The following IPO5 variants were observed in gnomAD, a reference collection of about 807,000 sequenced individuals.
IPO5 encodes importin-5.
In IPO5, 18 loss-of-function variants were observed where a neutral mutation model predicts 143.3. The ratio of observed to expected loss-of-function variants is 0.13; its 90% CI spans 0.09 to 0.19. The LOEUF (loss-of-function observed/expected upper bound fraction) is 0.19, where lower values mean the gene tolerates loss of function less well. Ranked by LOEUF, IPO5 falls within the 10% of genes least tolerant of loss-of-function variation. The pLI is 1.00. For synonymous variants in IPO5, 477 were observed against 465.7 expected, an observed-to-expected ratio of 1.02 and a Z score of -0.31; for missense variants, 1,013 against 1,336.9, an observed-to-expected ratio of 0.76 and a Z score of 3.78.
intron 20 of IPO5, 139 bp from the exon 21 acceptor site, chr13:98,012,107 T>G (rs1051626483): frequency 5.1e-6 from 3 of 583,318 alleles, no homozygotes; most frequent in African/African-American, 1.9e-5. Context: ...AAGACTAATT[T>G]GACAGTTCTA....
Position 98,002,971 on chromosome 13 carries a change from A to C in IPO5, c.1431A>C (p.Leu477=), listed in dbSNP as rs186104273. 1.2e-6 allele frequency: 2 copies of C among 1,613,854 alleles called. No homozygotes were observed. Among genetic ancestry groups the C allele is most frequent in the Admixed American group, 3.3e-5 (2 of 60,030 alleles). The change falls in exon 16 of 29, where the codon CTA becomes CTC. Residue 477 remains leucine (L), a synonymous_variant. Transcript: ENST00000651721. ...INFTEDCPKS[L]LIPYLDNLVK... is the part of the protein sequence containing the mutation. ...TTACTGAAGACTGTCCCAAGTCACTACTTATTCCATACTTGGATAATTTGG... is the reference window on the plus strand; with the variant it reads ...TTACTGAAGACTGTCCCAAGTCACTCCTTATTCCATACTTGGATAATTTGG...
chr13:97,990,321 A>C (rs1887703638), intron 8 of IPO5, 99 bp downstream of exon 8: 1 of 1,146,070 alleles, frequency 8.7e-7, no homozygotes, highest in Admixed American at 2.2e-5. Context: ...TATACTTTAA[A>C]ATACAAACAC....
At chr13:97,973,128 C>T (rs1381248973) in intron 3 of IPO5, among the ~76,000 whole-genome samples, 4 of 147,076 alleles carry the variant, frequency 2.7e-5, no homozygotes, top group East Asian at 2.0e-4. Context: ...CTGCAACCTC[C>T]GTCTCCTGGG....
chr13:97,957,226 C>G (rs1456134559), intron 2 of IPO5, among the ~76,000 whole-genome samples: 1 of 151,062 alleles, frequency 6.6e-6, no homozygotes, highest in Admixed American at 6.6e-5. Context: ...GAGACTGAGT[C>G]TCATTTTGTT....
At chr13:97,974,155 T>C (rs566555067) in intron 3 of IPO5, among the ~76,000 whole-genome samples, 10 of 152,298 alleles carry the variant, frequency 6.6e-5, no homozygotes, top group Admixed American at 3.9e-4. Flanking sequence ...AGCAAATATA[T>C]GTAACCTACA....
chr13:97,979,941 A>G, intron 4 of IPO5: 1 of 456,750 alleles, frequency 2.2e-6, no homozygotes, highest in Non-Finnish European at 4.4e-6. Flanking sequence ...TTCCTCATAC[A>G]AGGTAGGCTC....
At chr13:97,987,156 A>G in intron 6 of IPO5, 1 of 167,712 alleles carries the variant, frequency 6.0e-6, no homozygotes. Context: ...TCCTGGTACA[A>G]GTTCTTCTCC....
chr13:97,984,714 G>A (rs932983942), intron 5 of IPO5, among the ~76,000 whole-genome samples: 24 of 152,036 alleles, frequency 1.6e-4, no homozygotes, highest in African/African-American at 5.6e-4. Context: ...GTGATAATGA[G>A]TAACATCAGC....
intron 11 of IPO5, among the ~76,000 whole-genome samples, chr13:97,993,755 GAACTA>G (rs1887991191): frequency 6.6e-6 from 1 of 152,194 alleles, no homozygotes. Flanking sequence ...AAGGACTTGA[GAACTA>G]ACCTGATCAT....
chr13:98,005,419 G>C (rs2139791598), intron 16 of IPO5, among the ~76,000 whole-genome samples: 1 of 151,192 alleles, frequency 6.6e-6, no homozygotes, highest in South Asian at 2.1e-4. Flanking sequence ...AGTAGAGACA[G>C]GGTTTCACCA....
At position 97,985,533 on chromosome 13, in the gene IPO5, T is replaced by C; in HGVS notation, c.284T>C (p.Met95Thr). ...ACTGCCATCAAGAGTGAGCTACTCA[T>C]GATTATTCAGATGGAAACACAATCT... is the stretch of plus-strand genomic sequence containing the variant. ...VQTAIKSELLMIIQMETQSSM... is the reference protein window; with the variant it reads ...VQTAIKSELLTIIQMETQSSM... The change falls in exon 6 of 29, where the codon ATG (methionine) becomes ACG (threonine). Residue 95 changes from methionine (M) to threonine (T), a missense_variant. Around this residue, in one of 2 missense-constraint regions of IPO5, gnomAD observed 328 missense variants for 342.0 expected, o/e 0.96. Coordinates refer to ENST00000651721, the MANE Select transcript of IPO5 (RefSeq NM_002271.6). 2 of 1,614,062 alleles carry C rather than the reference T, an allele frequency of 1.2e-6. No individual in the cohort carries two copies. Among genetic ancestry groups the C allele is most frequent in the East Asian group, 2.2e-5 (1 of 44,876 alleles).
rs1243852657 is a variant in IPO5 at position 98,021,924 on chromosome 13, T to C, written c.*102T>C. On this transcript the variant is annotated 3_prime_UTR_variant, in exon 29 of 29. Coordinates refer to ENST00000651721, the MANE Select transcript of IPO5 (RefSeq NM_002271.6). ...TTTTGAGCAAAAGAGATCGGTAGTG[T>C]TGTGTGTAGGCCATTCTTCTGGAGA... 1 of 685,432 alleles carries C rather than the reference T, an allele frequency of 1.5e-6. No homozygotes were observed. Among genetic ancestry groups the C allele is most frequent in the East Asian group, 2.7e-5 (1 of 36,444 alleles). The allele number at this position is 685,432 out of a possible 1,614,324, so 42.5% of individuals were successfully genotyped here.
intron 27 of IPO5, among the ~76,000 whole-genome samples, chr13:98,020,560 CA>C (rs1312139040): frequency 6.6e-6 from 1 of 152,172 alleles, no homozygotes; most frequent in Non-Finnish European, 1.5e-5. Context: ...CTCTTAGTGA[CA>C]AAGACTAGAA....
Position 98,009,965 on chromosome 13 carries a change from C to T in IPO5, c.1885C>T (p.Pro629Ser). ...GCAATACCTTCCAGTGGTTATGGGG[C>T]CTTTAATGAAGACGGCTTCAATTAA... Reference protein sequence around the residue: ...FQQYLPVVMGPLMKTASIKPE... With the variant: ...FQQYLPVVMGSLMKTASIKPE... Residue 629 changes from proline (P) to serine (S), a missense_variant, in exon 19 of 29, where the codon CCT becomes TCT. By Grantham distance (74) the Pro-to-Ser change is moderately conservative. Transcript: ENST00000651721. The T allele has an allele frequency of 1.2e-6, 2 of 1,614,056 alleles. No homozygotes were observed. The highest frequency in any genetic ancestry group is 1.7e-6 in the Non-Finnish European group (2 of 1,179,958).
chr13:97,979,779 A>G (rs983732976), intron 4 of IPO5: 16 of 414,600 alleles, frequency 3.9e-5, no homozygotes, highest in African/African-American at 6.1e-5. Context: ...TGATCCTCCC[A>G]TCTCCCAAAG....
intron 13 of IPO5, among the ~76,000 whole-genome samples, chr13:98,001,366 C>T (rs1287262163): frequency 2.0e-5 from 3 of 152,232 alleles, no homozygotes; most frequent in East Asian, 1.9e-4. Flanking sequence ...GGTGGAATCT[C>T]GCTCTGTTGC....
chr13:97,997,524 A>C lies in IPO5; in HGVS notation c.914-7A>C. The C allele has an allele frequency of 6.4e-7, 1 of 1,551,386 alleles. No homozygotes were observed. The highest frequency in any genetic ancestry group is 8.9e-7 in the Non-Finnish European group (1 of 1,125,928). ...GTCTTCGGGTATGAAATAATTGTTT[A>C]CTTTAGTTCCTCAGATGTTAGCAAT... is the stretch of plus-strand genomic sequence containing the variant. On this transcript the variant is annotated splice_polypyrimidine_tract_variant and splice_region_variant and intron_variant, in intron 11 of 28. Transcript: ENST00000651721.
At chr13:98,000,953 C>T (rs1254497473) in intron 13 of IPO5, 1 of 315,656 alleles carries the variant, frequency 3.2e-6, no homozygotes, top group Non-Finnish European at 5.9e-6. Context: ...AGAAGAAACT[C>T]TATCTAATGT....
chr13:97,979,547 G>A (rs1239031955), intron 4 of IPO5, among the ~76,000 whole-genome samples: 2 of 152,182 alleles, frequency 1.3e-5, no homozygotes, highest in Non-Finnish European at 2.9e-5. Context: ...TAGTTGACAA[G>A]TAGTGCAAAG....
Sources: allele counts gnomAD v4.1 joint callset (sites outside exome capture counted in the v4.1 genomes callset), GRCh38; gene constraint gnomAD v4.1.1; regional missense constraint gnomAD v4.1.1; transcripts MANE v1.5; gene names NCBI Gene and HGNC (gene_info 2026-07-23, HGNC 2026-07-21).